Variants in PTPN11 observed in about 807,000 individuals in gnomAD.
PTPN11 encodes protein tyrosine phosphatase non-receptor type 11, also known as tyrosine-protein phosphatase non-receptor type 11.
Under a neutral mutation model 78.8 loss-of-function variants are expected in PTPN11, and 6 were observed. The ratio of observed to expected loss-of-function variants is 0.08; its 90% CI spans 0.04 to 0.15. The LOEUF is 0.15. PTPN11 is among the 10% of genes least tolerant of loss of function. The pLI is 1.00. For missense variants in PTPN11, 386 were observed against 744.8 expected (o/e 0.52, Z 5.61); for synonymous variants, 221 against 263.5 (o/e 0.84, Z 1.56).
intron 14 of PTPN11, 111 bp downstream of exon 14, chr12:112,502,367 G>A: frequency 1.2e-6 from 1 of 853,304 alleles, no homozygotes; most frequent in Non-Finnish European, 2.0e-6. Context: ...TTTCACTGGT[G>A]CACGTTCCTG....
chr12:112,443,851 G>A (rs924932364), intron 1 of PTPN11, among the ~76,000 whole-genome samples: 3 of 151,178 alleles, frequency 2.0e-5, no homozygotes, highest in Non-Finnish European at 4.4e-5. Context: ...ACTGGGTTTC[G>A]CCATGTTGCC....
chr12:112,453,048 T>G, intron 3 of PTPN11, 147 bp from the exon 4 acceptor site: 1 of 706,362 alleles, frequency 1.4e-6, no homozygotes. Context: ...AGATTTTCTG[T>G]CTCAGGTGGG....
intron 13 of PTPN11, 95 bp from the exon 14 acceptor site, chr12:112,502,047 TCC>T (rs2038880298): frequency 1.1e-6 from 1 of 919,510 alleles, no homozygotes; most frequent in South Asian, 1.4e-5. Flanking sequence ...TTTTTCTTTC[TCC>T]CTCTTTTTTC....
intron 13 of PTPN11, among the ~76,000 whole-genome samples, chr12:112,499,943 T>TAAA (rs529382859): frequency 8.5e-6 from 1 of 117,282 alleles, no homozygotes; most frequent in African/African-American, 3.2e-5. Flanking sequence ...CCCTGTCTCT[T>TAAA]AAAAAAAAAA....
chr12:112,456,730 G>A (rs1467913335), intron 6 of PTPN11, among the ~76,000 whole-genome samples: 2 of 151,780 alleles, frequency 1.3e-5, no homozygotes, highest in Middle Eastern at 3.2e-3. Context: ...GAGTAGCTGG[G>A]ACTACAGGCA....
chr12:112,499,906 C>T (rs925179318), intron 13 of PTPN11, among the ~76,000 whole-genome samples: 9 of 145,132 alleles, frequency 6.2e-5, no homozygotes, highest in African/African-American at 1.0e-4. Context: ...TGCACCACTG[C>T]GCTCTAGTCT....
At chr12:112,420,891 T>C (rs1227116745) in intron 1 of PTPN11, among the ~76,000 whole-genome samples, 1 of 152,234 alleles carries the variant, frequency 6.6e-6, no homozygotes, top group African/African-American at 2.4e-5. Context: ...AGTTGTCTAT[T>C]CTTTAATCTG....
In PTPN11 at chr12:112,496,334, C is replaced by T. The variant is rs140110379; in HGVS notation, c.1600-5810C>T. Among the ~76,000 whole-genome samples, 144 of 152,184 alleles carry T rather than the reference C, an allele frequency of 9.5e-4. 1 individual carries two copies. Among genetic ancestry groups the T allele is most frequent in the African/African-American group, 3.2e-3 (134 of 41,518 alleles). On this transcript the variant is annotated intron_variant, in intron 13 of 15. Transcript: ENST00000351677. ...AGGCTCCTCTTATATTTTTCCCTGC[C>T]GCAGCCCTAGAATCATCCATTTTTC...
intron 1 of PTPN11, among the ~76,000 whole-genome samples, chr12:112,434,335 C>A (rs1489374025): frequency 6.6e-6 from 1 of 151,904 alleles, no homozygotes; most frequent in Non-Finnish European, 1.5e-5. Flanking sequence ...TTTGGCTGGG[C>A]GCAGTGGCTC....
At chr12:112,477,542 C>T in intron 7 of PTPN11, 109 bp from the exon 8 acceptor site, 4 of 825,422 alleles carry the variant, frequency 4.8e-6, no homozygotes, top group Admixed American at 2.4e-5. Flanking sequence ...GTTTTTTTTT[C>T]AATCATTGAA....
At chr12:112,487,927 G>A (rs761150711) in intron 11 of PTPN11, among the ~76,000 whole-genome samples, 10 of 152,136 alleles carry the variant, frequency 6.6e-5, no homozygotes, top group Non-Finnish European at 1.2e-4. Context: ...GGGATTACTG[G>A]TACGTGACAA....
intron 2 of PTPN11, 143 bp downstream of exon 2, chr12:112,446,541 G>C (rs540623912): frequency 8.6e-7 from 1 of 1,164,558 alleles, no homozygotes; most frequent in African/African-American, 1.5e-5. Context: ...TTGGGGAGTG[G>C]CCTCCTGGAC....
At chr12:112,470,587 C>A (rs2135891449) in intron 6 of PTPN11, among the ~76,000 whole-genome samples, 1 of 152,300 alleles carries the variant, frequency 6.6e-6, no homozygotes, top group South Asian at 2.1e-4. Flanking sequence ...GGTAATTAAA[C>A]AGGAACTGTA....
chr12:112,435,354 A>G (rs1400496764), intron 1 of PTPN11, among the ~76,000 whole-genome samples: 1 of 152,152 alleles, frequency 6.6e-6, no homozygotes, highest in Non-Finnish European at 1.5e-5. Context: ...AGTTAATAAT[A>G]CTATGTTTGA....
At chr12:112,436,539 T>C (rs904075326) in intron 1 of PTPN11, among the ~76,000 whole-genome samples, 2 of 152,184 alleles carry the variant, frequency 1.3e-5, no homozygotes, top group Non-Finnish European at 2.9e-5. Context: ...ATTTTTAAAA[T>C]ATGTTTTTCA....
At chr12:112,450,256 T>C (rs1566166893) in intron 2 of PTPN11, 62 bp from the exon 3 acceptor site, 1 of 1,437,398 alleles carries the variant, frequency 7.0e-7, no homozygotes, top group Admixed American at 1.7e-5. Context: ...AGATGAGATC[T>C]GATTTTACTG....
intron 5 of PTPN11, 136 bp from the exon 6 acceptor site, chr12:112,455,814 A>T: frequency 3.0e-6 from 2 of 664,530 alleles, no homozygotes; most frequent in South Asian, 1.7e-5. Flanking sequence ...TTTTATTGTG[A>T]ATTACAGGGT....
In PTPN11 at chr12:112,437,959, C is replaced by T. The variant is rs150859544; in HGVS notation, c.15-8317C>T. Reference sequence around the variant, plus strand: ...GACTGCATTTCCCTGAAAAATTACACGTTTGTTCTAGGTTTTCTGACTTAT... The same window carrying T: ...GACTGCATTTCCCTGAAAAATTACATGTTTGTTCTAGGTTTTCTGACTTAT... On this transcript the variant is annotated intron_variant, in intron 1 of 15. Transcript: ENST00000351677. Among the ~76,000 whole-genome samples, 450 of 152,214 alleles carry T rather than the reference C, an allele frequency of 3.0e-3. 2 individuals are homozygous for T. Among genetic ancestry groups the T allele is most frequent in the African/African-American group, 9.8e-3 (409 of 41,546 alleles).
At position 112,507,674 on chromosome 12, in the gene PTPN11, G is replaced by T. The variant is rs1268836288; in HGVS notation, c.*1882G>T. 1 of 152,688 alleles carries T rather than the reference G, an allele frequency of 6.5e-6. No individual in the cohort carries two copies. The highest frequency in any genetic ancestry group is 2.4e-5 in the African/African-American group (1 of 41,446). 9.5% of individuals were successfully genotyped at this position (152,688 alleles called of 1,614,324 possible). A position where few individuals can be genotyped will look rare whatever the true frequency, so the allele number is the denominator to read the frequency against. The stretch of plus-strand genomic sequence containing the variant: ...TATGGCATCTTTGCCATGAAGTTGT[G>T]GCCTCCTTGGATTCTTCTGACTTTG... On this transcript the variant is annotated 3_prime_UTR_variant, in exon 16 of 16. Transcript: ENST00000351677.
Sources: allele counts gnomAD v4.1 joint callset (sites outside exome capture counted in the v4.1 genomes callset), GRCh38; gene constraint gnomAD v4.1.1; transcripts MANE v1.5; gene names NCBI Gene and HGNC (gene_info 2026-07-23, HGNC 2026-07-21).